Variants in BLOC1S3 observed in about 807,000 individuals in gnomAD.
The protein encoded by BLOC1S3 is biogenesis of lysosomal organelles complex 1 subunit 3.
A neutral mutation model predicts 9.1 loss-of-function variants in BLOC1S3; 7 were observed. The ratio of observed to expected loss-of-function variants is 0.77; its 90% CI spans 0.44 to 1.45. BLOC1S3 has a LOEUF of 1.45. Among genes scored for constraint, BLOC1S3 ranks in the 40% most tolerant of loss-of-function variants. BLOC1S3 has a pLI of 0.01. For missense variants in BLOC1S3, 307 were observed against 315.2 expected (o/e 0.97, Z 0.20); for synonymous variants, 145 against 158.4 (o/e 0.92, Z 0.64).
rs776312825 is a variant in BLOC1S3, at chr19:45,179,310, G to A, written c.14G>A (p.Gly5Asp). Residue 5 changes from glycine (G) to aspartate (D), a missense_variant, in exon 2 of 2, where the codon GGT (glycine) becomes GAT (aspartate). Gly to Asp is a moderately conservative substitution (Grantham distance 94). Transcript: ENST00000433642. The surrounding 1 kb of genome is among the most constrained non-coding windows in gnomAD (Gnocchi z 4.6). MASQ[G>D]RRRRPLRRPE... ...TAGTTCGGTGCCATGGCGTCCCAGG[G>A]TCGTCGGCGGAGGCCCCTGCGGAGG... The A allele has an allele frequency of 3.2e-6, 5 of 1,582,672 alleles. No individual in the cohort carries two copies. In the South Asian group the frequency reaches 5.6e-5, roughly 18 times the overall value.
chr19:45,204,661 T>C (rs1161237077), intron 3 of BLOC1S3, among the ~76,000 whole-genome samples: 1 of 152,146 alleles, frequency 6.6e-6, no homozygotes, highest in African/African-American at 2.4e-5. Flanking sequence ...GTTATCTATC[T>C]CTCTCTCCAT....
chr19:45,182,773 C>A (rs1312612072), downstream of BLOC1S3, among the ~76,000 whole-genome samples: 1 of 152,132 alleles, frequency 6.6e-6, no homozygotes, highest in African/African-American at 2.4e-5. Flanking sequence ...CTGTCTTGAC[C>A]TCCCAAAGGG....
intron 3 of BLOC1S3, chr19:45,216,064 G>T (rs1214143914): frequency 1.9e-6 from 3 of 1,613,604 alleles, no homozygotes; most frequent in East Asian, 4.5e-5. Flanking sequence ...CCCAGGCGGG[G>T]TGTCTCACCT....
intron 2 of BLOC1S3, among the ~76,000 whole-genome samples, chr19:45,194,506 A>G (rs1381428036): frequency 6.6e-6 from 1 of 152,166 alleles, no homozygotes; most frequent in Non-Finnish European, 1.5e-5. Flanking sequence ...ATGAGCACAT[A>G]TGTGTTCCAA....
At chr19:45,197,198 AAAG>A (rs1969655183) in intron 2 of BLOC1S3, among the ~76,000 whole-genome samples, 1 of 151,820 alleles carries the variant, frequency 6.6e-6, no homozygotes. Flanking sequence ...AAAAAAAGAA[AAAG>A]AAGTCCAGGT....
rs770064737 is a variant in BLOC1S3, at chr19:45,181,587, C to T, written c.*1682C>T. 6.0e-6 allele frequency: 1 copy of T among 167,108 alleles called. No homozygotes were observed. The highest frequency in any genetic ancestry group is 1.5e-5 in the Non-Finnish European group (1 of 68,152). 10.4% of individuals were successfully genotyped at this position (167,108 alleles called of 1,614,324 possible). ...AAGGACTTGGATTTCTGACTTGGCT[C>T]AGGGACTGGGGTTAGCAGTCTCTTT... On this transcript the variant is annotated 3_prime_UTR_variant, in exon 2 of 2. Coordinates refer to ENST00000433642, the MANE Select transcript of BLOC1S3 (RefSeq NM_212550.5).
At chr19:45,216,949 AATTCCAGGGT>A (rs1969841734), downstream of BLOC1S3, 1 of 149,550 alleles carries the variant, frequency 6.7e-6, no homozygotes, top group African/African-American at 2.4e-5. Flanking sequence ...GGCGGTTTTT[AATTCCAGGGT>A]TTAGAAATGT....
chr19:45,205,438 T>C (rs1969719611), intron 3 of BLOC1S3, among the ~76,000 whole-genome samples: 1 of 152,204 alleles, frequency 6.6e-6, no homozygotes, highest in South Asian at 2.1e-4. Context: ...GTGCAGGGAT[T>C]ACAGGCGTGA....
chr19:45,213,720 G>T (rs1047491666), intron 3 of BLOC1S3, among the ~76,000 whole-genome samples: 1 of 151,880 alleles, frequency 6.6e-6, no homozygotes, highest in African/African-American at 2.4e-5. Context: ...CAAGGCAGGC[G>T]GATCACCTGA....
Position 45,179,602 on chromosome 19 carries a change from C to T in BLOC1S3, c.306C>T (p.Pro102=). The T allele has an allele frequency of 1.4e-6, 2 of 1,473,582 alleles. No individual in the cohort carries two copies. The highest frequency in any genetic ancestry group is 1.8e-6 in the Non-Finnish European group (2 of 1,119,116). The allele number at this position is 1,473,582 out of a possible 1,614,324, so 91.3% of individuals were successfully genotyped here. The part of the protein sequence containing the change: ...EAWGTEEAPA[P]APARSLLQLR... ...GGGGCACGGAGGAGGCCCCGGCGCC[C>T]GCCCCCGCGCGCTCGCTCCTGCAAC... is the stretch of plus-strand genomic sequence containing the variant. The change falls in exon 2 of 2, where the codon CCC becomes CCT. Residue 102 remains proline (P), a synonymous_variant. Transcript: ENST00000433642. The surrounding 1 kb of genome is among the most constrained non-coding windows in gnomAD (Gnocchi z 4.6).
rs537363052 is a variant in BLOC1S3, at chr19:45,181,657, C to T, written c.*1752C>T. 1 of 167,198 alleles carries T rather than the reference C, an allele frequency of 6.0e-6. No individual in the cohort carries two copies. The highest frequency in any genetic ancestry group is 2.1e-4 in the South Asian group (1 of 4,826). 10.4% of individuals were successfully genotyped at this position (167,198 alleles called of 1,614,324 possible). A position where few individuals can be genotyped will look rare whatever the true frequency, so the allele number is the denominator to read the frequency against. ...TTTTCTTCCGATCCCAGCTCTGGTC[C>T]CTCAGCCGCATTCATATTTACTCTC... On this transcript the variant is annotated 3_prime_UTR_variant, in exon 2 of 2. Transcript: ENST00000433642.
At chr19:45,215,236 C>T (rs1969820547) in intron 3 of BLOC1S3, among the ~76,000 whole-genome samples, 1 of 151,184 alleles carries the variant, frequency 6.6e-6, no homozygotes, top group African/African-American at 2.4e-5. Context: ...CGTGGGAAGC[C>T]GAGGCAGGCA....
chr19:45,185,389 T>A (rs1339595723), downstream of BLOC1S3, among the ~76,000 whole-genome samples: 3 of 152,152 alleles, frequency 2.0e-5, no homozygotes. Flanking sequence ...CTCAGATGCA[T>A]GGAGCTGTTG....
intron 3 of BLOC1S3, among the ~76,000 whole-genome samples, chr19:45,203,535 G>A (rs1313453798): frequency 6.6e-6 from 1 of 152,138 alleles, no homozygotes; most frequent in Non-Finnish European, 1.5e-5. Flanking sequence ...GCTTCCCAAA[G>A]TGCTGGGATT....
downstream of BLOC1S3, among the ~76,000 whole-genome samples, chr19:45,184,890 ACT>A (rs1196205864): frequency 1.6e-5 from 2 of 122,644 alleles, no homozygotes; most frequent in African/African-American, 6.8e-5. Context: ...AAAGAGCGAG[ACT>A]CTGTCTCAAA....
chr19:45,200,182 A>ATTTTTT (rs4012970), intron 2 of BLOC1S3, among the ~76,000 whole-genome samples: 1 of 135,194 alleles, frequency 7.4e-6, no homozygotes, highest in Non-Finnish European at 1.6e-5. Context: ...TTTCTACTTA[A>ATTTTTT]TTTTTTTTTT....
intron 2 of BLOC1S3, among the ~76,000 whole-genome samples, chr19:45,201,504 G>C (rs1347311960): frequency 6.6e-6 from 1 of 152,118 alleles, no homozygotes; most frequent in African/African-American, 2.4e-5. Flanking sequence ...CAAGGCCCAA[G>C]GGCTCTTCGG....
intron 2 of BLOC1S3, among the ~76,000 whole-genome samples, chr19:45,189,324 C>T (rs542789570): frequency 2.7e-4 from 41 of 152,234 alleles, no homozygotes; most frequent in Middle Eastern, 3.4e-3. Flanking sequence ...CCAGCCAGAG[C>T]GCCATTGAAT....
rs572583327 is a variant in BLOC1S3, at chr19:45,179,166, C to T, written c.-9-122C>T. ...ACAGAAGAGGAAACTGAGGCCCAGA[C>T]GGGGAGCAGCTGACACCAAGTCGTT... On this transcript the variant is annotated intron_variant, in intron 1 of 1. Coordinates refer to ENST00000433642, the MANE Select transcript of BLOC1S3 (RefSeq NM_212550.5). This position sits in a 1 kb window ranked among gnomAD's most constrained non-coding sequence, Gnocchi z 4.6. 2.8e-5 allele frequency: 32 copies of T among 1,145,194 alleles called. 2 individuals carry two copies. In the East Asian group the frequency reaches 9.2e-4, roughly 33 times the overall value. The allele number at this position is 1,145,194 out of a possible 1,614,324, so 70.9% of individuals were successfully genotyped here. A position where few individuals can be genotyped will look rare whatever the true frequency, so the allele number is the denominator to read the frequency against.
Sources: gnomAD v4.1 joint callset for allele counts (sites outside exome capture counted in the v4.1 genomes callset) on GRCh38, gnomAD v4.1.1 for gene constraint, Gnocchi (gnomAD v3.1) non-coding constraint, MANE v1.5 for transcripts, NCBI Gene and HGNC (gene_info 2026-07-23, HGNC 2026-07-21) for gene names.